MACF1: variants seen among roughly 807,000 people sequenced by gnomAD.
MACF1 encodes microtubule-actin cross-linking factor 1.
Under a neutral mutation model 854.8 loss-of-function variants are expected in MACF1, and 193 were observed. That is an observed-to-expected ratio of 0.23 (90% CI 0.20 to 0.25). MACF1 has a LOEUF of 0.25. Ranked by LOEUF, MACF1 falls within the 10% of genes least tolerant of loss-of-function variation. MACF1 has a pLI of 1.00. For missense variants in MACF1, 7,722 were observed against 8,929.1 expected, an observed-to-expected ratio of 0.86 and a Z score of 5.45; for synonymous variants, 3,185 against 3,226.7, an observed-to-expected ratio of 0.99 and a Z score of 0.44.
At chr1:39,189,514 AC>A (rs1644218876) in intron 2 of MACF1, among the ~76,000 whole-genome samples, 4 of 152,130 alleles carry the variant, frequency 2.6e-5, no homozygotes, top group Non-Finnish European at 5.9e-5. Context: ...AGCCTCCTCA[AC>A]CCCAACCCAA....
intron 2 of MACF1, among the ~76,000 whole-genome samples, chr1:39,159,027 C>T (rs1483400692): frequency 6.6e-6 from 1 of 152,156 alleles, no homozygotes; most frequent in Non-Finnish European, 1.5e-5. Flanking sequence ...AGAGGTATTA[C>T]AAGGCTTCAG....
intron 44 of MACF1, 61 bp from the exon 45 acceptor site, chr1:39,357,314 C>T (rs1378169117): frequency 1.3e-6 from 2 of 1,556,114 alleles, no homozygotes; most frequent in African/African-American, 1.4e-5. Flanking sequence ...TCTTGTATAC[C>T]TCAAATTATT....
In MACF1 at chr1:39,332,501, C is replaced by G; in HGVS notation, c.5913C>G (p.Ser1971Arg). The change falls in exon 37 of 101, where the codon AGC becomes AGG. Residue 1971 changes from serine to arginine, a missense_variant. Around this residue, in one of 15 missense-constraint regions of MACF1, gnomAD observed 1,531 missense variants for 1,601.6 expected, o/e 0.96. Transcript: ENST00000564288. ...TGTTGTTCCAGCTGATGACTCACAGCTATATTAATGTGCAAAATGGACAGA... is the reference window on the plus strand; with the variant it reads ...TGTTGTTCCAGCTGATGACTCACAGGTATATTAATGTGCAAAATGGACAGA... ...ENLLFQLMTH[S>R]YINVQNGQRL... The G allele has an allele frequency of 1.2e-6, 2 of 1,614,036 alleles. No individual in the cohort carries two copies. The highest frequency in any genetic ancestry group is 1.7e-6 in the Non-Finnish European group (2 of 1,180,028).
At chr1:39,327,682 G>T (rs1458913121) in intron 36 of MACF1, among the ~76,000 whole-genome samples, 3 of 152,152 alleles carry the variant, frequency 2.0e-5, no homozygotes, top group African/African-American at 4.8e-5. Flanking sequence ...CTCCCTTGTG[G>T]CATTGTCACT....
chr1:39,445,388 A>AT (rs1644205481), intron 80 of MACF1, among the ~76,000 whole-genome samples: 1 of 152,172 alleles, frequency 6.6e-6, no homozygotes, highest in South Asian at 2.1e-4. Context: ...GTTTCACTGT[A>AT]TTTTTTGCTG....
intron 97 of MACF1, among the ~76,000 whole-genome samples, chr1:39,474,359 G>T (rs142167964): frequency 6.6e-6 from 1 of 150,500 alleles, no homozygotes. Context: ...ACTGCACTCC[G>T]TCCTAGGCAA....
intron 1 of MACF1, among the ~76,000 whole-genome samples, chr1:39,222,967 T>C (rs1200159201): frequency 6.6e-6 from 1 of 152,180 alleles, no homozygotes; most frequent in Non-Finnish European, 1.5e-5. Flanking sequence ...CAGGCTTTCA[T>C]TTGACGTCAG....
chr1:39,264,566 C>T (rs866831167), intron 6 of MACF1, among the ~76,000 whole-genome samples: 15 of 151,822 alleles, frequency 9.9e-5, no homozygotes, highest in Middle Eastern at 3.4e-3. Context: ...AATAAATAGG[C>T]TGTAATGTCT....
rs758482354 is a variant in MACF1, at chr1:39,347,063, G to A, written c.10668G>A (p.Gln3556=). The stretch of plus-strand genomic sequence containing the variant: ...AGTTCTTTATCTCAGAACATGCCCA[G>A]GACTTGTCCCCTCAGCAGAATCGAC... ...DIQFFISEHA[Q]DLSPQQNRQM... The change falls in exon 41 of 101, where the codon CAG becomes CAA. Residue 3556 remains glutamine, a synonymous_variant. Transcript: ENST00000564288. 6.2e-7 allele frequency: 1 copy of A among 1,614,128 alleles called. No homozygotes were observed. Among genetic ancestry groups the A allele is most frequent in the South Asian group, 1.1e-5 (1 of 91,072 alleles).
Position 39,091,036 on chromosome 1 carries a change from T to A in MACF1, c.220+6598T>A, listed in dbSNP as rs1281665117. Among the ~76,000 whole-genome samples, 5 of 152,290 alleles carry A rather than the reference T, an allele frequency of 3.3e-5. No individual in the cohort carries two copies. In the East Asian group the frequency reaches 9.6e-4, roughly 29 times the overall value. On this transcript the variant is annotated intron_variant, in intron 2 of 93. Coordinates refer to the MACF1 transcript ENST00000361689. ...CTGTAGGAGCAGAATAGGTGTCCCT[T>A]GCTGGAATCTCTGCCTGGATCTGGG...
intron 58 of MACF1, chr1:39,411,641 C>G (rs747268927): frequency 6.2e-7 from 1 of 1,613,922 alleles, no homozygotes; most frequent in Non-Finnish European, 8.5e-7. Context: ...GAACAGCTCT[C>G]TGACACAGAC....
chr1:39,423,365 G>A (rs1416463159), intron 60 of MACF1, among the ~76,000 whole-genome samples: 1 of 152,140 alleles, frequency 6.6e-6, no homozygotes, highest in Non-Finnish European at 1.5e-5. Context: ...GCTGGGTGTG[G>A]TGGTTCACGC....
intron 40 of MACF1, among the ~76,000 whole-genome samples, chr1:39,345,898 T>C (rs1201555692): frequency 6.6e-6 from 1 of 151,598 alleles, no homozygotes; most frequent in East Asian, 1.9e-4. Context: ...CAAAACCCTG[T>C]CTCTACTAAA....
intron 2 of MACF1, among the ~76,000 whole-genome samples, chr1:39,100,276 TTTCAAG>T (rs1201134777): frequency 2.6e-5 from 4 of 152,108 alleles, no homozygotes; most frequent in Non-Finnish European, 5.9e-5. Context: ...TGGGGTGAAC[TTTCAAG>T]GTAGATTTCA....
intron 95 of MACF1, among the ~76,000 whole-genome samples, chr1:39,467,409 G>A (rs114179186): frequency 3.1e-4 from 47 of 152,154 alleles, no homozygotes; most frequent in African/African-American, 1.1e-3. Flanking sequence ...CTCCATACCC[G>A]AGGAACCCTT....
chr1:39,415,105 G>A (rs1222652589), intron 58 of MACF1, among the ~76,000 whole-genome samples: 2 of 152,188 alleles, frequency 1.3e-5, no homozygotes, highest in Admixed American at 6.5e-5. Flanking sequence ...TTGGAGAGAA[G>A]CAATAAAGCT....
chr1:39,186,202 CTCTCTCTCTCTCTG>C (rs1557505098), intron 2 of MACF1, among the ~76,000 whole-genome samples: 2 of 124,424 alleles, frequency 1.6e-5, no homozygotes, highest in Non-Finnish European at 1.7e-5. Flanking sequence ...CTCTCTCTCT[CTCTCTCTCTCTCTG>C]TGTGTGTGTG....
intron 23 of MACF1, 119 bp from the exon 24 acceptor site, chr1:39,309,451 T>G (rs775054851): frequency 5.4e-5 from 66 of 1,213,324 alleles, no homozygotes; most frequent in Non-Finnish European, 7.5e-5. Flanking sequence ...ACTTGTTGCC[T>G]TTCTCTGCTC....
intron 25 of MACF1, 68 bp downstream of exon 25, chr1:39,310,496 C>G: frequency 6.7e-7 from 1 of 1,488,702 alleles, no homozygotes; most frequent in Non-Finnish European, 9.0e-7. Context: ...GCTGTGAAAC[C>G]CTTCATATAA....
Sources: allele counts gnomAD v4.1 joint callset (sites outside exome capture counted in the v4.1 genomes callset), GRCh38; gene constraint gnomAD v4.1.1; regional missense constraint gnomAD v4.1.1; transcripts MANE v1.5; gene names NCBI Gene and HGNC (gene_info 2026-07-23, HGNC 2026-07-21).